SRGAP3: variants seen among roughly 807,000 people sequenced by gnomAD.
The protein encoded by SRGAP3 is SLIT-ROBO Rho GTPase-activating protein 3.
A neutral mutation model predicts 121.1 loss-of-function variants in SRGAP3; 39 were observed. The observed-to-expected ratio is 0.32, with a 90% CI of 0.25 to 0.42. The LOEUF (loss-of-function observed/expected upper bound fraction) is 0.42, where lower values mean the gene tolerates loss of function less well. Ranked by LOEUF, SRGAP3 falls within the 10% of genes least tolerant of loss-of-function variation. The pLI is 1.00. For missense variants in SRGAP3, 1,213 were observed against 1,470.6 expected, an observed-to-expected ratio of 0.82 and a Z score of 2.86; for synonymous variants, 601 against 570.0, an observed-to-expected ratio of 1.05 and a Z score of -0.77.
intron 3 of SRGAP3, among the ~76,000 whole-genome samples, chr3:9,088,672 G>T (rs922374313): frequency 6.6e-6 from 1 of 152,134 alleles, no homozygotes; most frequent in Non-Finnish European, 1.5e-5. Context: ...TTGGAACAAG[G>T]CTTCCAAGTG....
rs76781053 is a variant in SRGAP3 at position 9,225,872 on chromosome 3, A to G, written c.67+23013T>C. On this transcript the variant is annotated intron_variant, in intron 1 of 21. Coordinates refer to ENST00000383836, the MANE Select transcript of SRGAP3 (RefSeq NM_014850.4). Reference sequence around the variant, plus strand: ...AATCGGTGCTCATCCCCAGAACAAAAGCCCAGCGCTGCCAGACCTTCTGAC... The same window carrying G: ...AATCGGTGCTCATCCCCAGAACAAAGGCCCAGCGCTGCCAGACCTTCTGAC... Among the ~76,000 whole-genome samples, 998 of 152,234 alleles carry G rather than the reference A, an allele frequency of 6.6e-3. 11 individuals are homozygous for G. The highest frequency in any genetic ancestry group is 0.023 in the African/African-American group (953 of 41,552).
intron 3 of SRGAP3, among the ~76,000 whole-genome samples, chr3:9,102,145 G>T (rs1354379776): frequency 6.6e-6 from 1 of 152,290 alleles, no homozygotes. Flanking sequence ...TCAGACATGG[G>T]GAGTGGTTTC....
chr3:9,254,455 G>T (rs554097587), upstream of SRGAP3, among the ~76,000 whole-genome samples: 1 of 152,184 alleles, frequency 6.6e-6, no homozygotes, highest in African/African-American at 2.4e-5. Context: ...GCGAGGACAG[G>T]CAGTAGCTGC....
intron 3 of SRGAP3, among the ~76,000 whole-genome samples, chr3:9,319,472 A>C (rs1375581366): frequency 1.3e-5 from 2 of 151,958 alleles, no homozygotes; most frequent in Admixed American, 6.5e-5. Context: ...AGCAAGGGCC[A>C]GAATGGGTGG....
chr3:9,338,633 T>C (rs181946609), intron 1 of SRGAP3, among the ~76,000 whole-genome samples: 6 of 152,358 alleles, frequency 3.9e-5, no homozygotes, highest in Admixed American at 1.3e-4. Flanking sequence ...GTCTTCTTGA[T>C]AAGCCTCACA....
chr3:9,096,796 T>C (rs747423427), intron 3 of SRGAP3, among the ~76,000 whole-genome samples: 1 of 150,464 alleles, frequency 6.6e-6, no homozygotes, highest in Non-Finnish European at 1.5e-5. Flanking sequence ...CCTGAAAAAA[T>C]TCTTCCTTCA....
At chr3:9,134,270 T>A (rs144809502) in intron 1 of SRGAP3, among the ~76,000 whole-genome samples, 18 of 152,248 alleles carry the variant, frequency 1.2e-4, no homozygotes, top group African/African-American at 4.3e-4. Flanking sequence ...GAAAACACAG[T>A]AACTGTTCTG....
chr3:8,996,354 C>A (rs1306519066), intron 18 of SRGAP3, among the ~76,000 whole-genome samples: 1 of 152,214 alleles, frequency 6.6e-6, no homozygotes, highest in African/African-American at 2.4e-5. Context: ...CACACATGCA[C>A]CAGGGCTCCC....
At chr3:9,124,995 G>A in intron 1 of SRGAP3, 78 bp from the exon 2 acceptor site, 10 of 1,555,016 alleles carry the variant, frequency 6.4e-6, no homozygotes, top group South Asian at 1.1e-5. Context: ...TGCTGGCCTG[G>A]GCCCTGCAAT....
At chr3:9,034,542 C>T (rs1944654326) in intron 11 of SRGAP3, 1 of 152,238 alleles carries the variant, frequency 6.6e-6, no homozygotes, top group South Asian at 2.1e-4. Context: ...ATGCTGCTAG[C>T]TCCAGTACAT....
chr3:9,308,670 C>A (rs950891554), intron 3 of SRGAP3, among the ~76,000 whole-genome samples: 1 of 152,136 alleles, frequency 6.6e-6, no homozygotes, highest in Non-Finnish European at 1.5e-5. Context: ...TTGCACAGCA[C>A]CTTAAATAAG....
chr3:9,230,061 C>A (rs1042683795), intron 1 of SRGAP3, among the ~76,000 whole-genome samples: 5 of 152,202 alleles, frequency 3.3e-5, no homozygotes, highest in African/African-American at 9.7e-5. Flanking sequence ...AGAATTTAAA[C>A]CCAGACTCCA....
rs1330292005 is a variant in SRGAP3 at position 8,983,266 on chromosome 3, CT to C, written c.*2252del. On this transcript the variant is annotated 3_prime_UTR_variant, in exon 22 of 22. Transcript: ENST00000383836. ...CTCTTAAGCTGTAAAATGGCAATAT[CT>C]TTCTGTGCTCCAAGCAGATGGCCTT... 1 of 227,108 alleles carries C rather than the reference CT, an allele frequency of 4.4e-6. No individual in the cohort carries two copies. The highest frequency in any genetic ancestry group is 8.7e-6 in the Non-Finnish European group (1 of 114,332). 14.1% of individuals were successfully genotyped at this position (227,108 alleles called of 1,614,324 possible).
rs1942159250 is a variant in SRGAP3 at position 8,993,022 on chromosome 3, C to A, written c.2442G>T (p.Lys814Asn). 1 of 1,614,218 alleles carries A rather than the reference C, an allele frequency of 6.2e-7. No individual in the cohort carries two copies. Among genetic ancestry groups the A allele is most frequent in the African/African-American group, 1.3e-5 (1 of 75,054 alleles). ...DDAFSDSLSQ[K>N]ADSEASSGPL... ...GCCCACTGCTGGCCTCGCTGTCAGC[C>A]TTCTGGCTCAGGCTGTCGGAGAAGG... is the stretch of plus-strand genomic sequence containing the variant. The change falls in exon 20 of 22, where the codon AAG becomes AAT. Residue 814 changes from lysine to asparagine, a missense_variant. Physicochemically the swap from Lys to Asn is moderately conservative, Grantham distance 94. Coordinates refer to ENST00000383836, the MANE Select transcript of SRGAP3 (RefSeq NM_014850.4).
chr3:9,272,087 T>C (rs1954488151), intron 3 of SRGAP3, among the ~76,000 whole-genome samples: 1 of 152,250 alleles, frequency 6.6e-6, no homozygotes, highest in Admixed American at 6.5e-5. Flanking sequence ...CATTGTCCAC[T>C]ACAACCTGCC....
intron 8 of SRGAP3, 81 bp downstream of exon 8, chr3:9,056,152 A>G: frequency 2.4e-6 from 3 of 1,273,532 alleles, no homozygotes; most frequent in Non-Finnish European, 3.4e-6. Context: ...TTTCTTATGC[A>G]CTTCGTGGCA....
intron 3 of SRGAP3, among the ~76,000 whole-genome samples, chr3:9,316,861 G>A (rs1285052074): frequency 4.6e-5 from 7 of 152,270 alleles, no homozygotes; most frequent in Middle Eastern, 3.4e-3. Flanking sequence ...ATCTGAAGGC[G>A]GGAGAGGAGG....
At chr3:8,986,162 T>G (rs1481864972) in intron 21 of SRGAP3, among the ~76,000 whole-genome samples, 1 of 152,126 alleles carries the variant, frequency 6.6e-6, no homozygotes, top group Admixed American at 6.5e-5. Context: ...AGACTACTGA[T>G]AAAGAGGGCA....
In SRGAP3 at chr3:9,183,508, C is replaced by T. The variant is rs1005388666; in HGVS notation, c.68-58591G>A. Among the ~76,000 whole-genome samples, 28 of 152,092 alleles carry T rather than the reference C, an allele frequency of 1.8e-4. No individual in the cohort carries two copies. In the South Asian group the frequency reaches 4.2e-3, roughly 23 times the overall value. ...TATTATACAGATGTTTAATTATGTACGTATAAAACATTGTACACACACACA... is the reference window on the plus strand; with the variant it reads ...TATTATACAGATGTTTAATTATGTATGTATAAAACATTGTACACACACACA... On this transcript the variant is annotated intron_variant, in intron 1 of 21. Coordinates refer to ENST00000383836, the MANE Select transcript of SRGAP3 (RefSeq NM_014850.4).
Sources: allele counts gnomAD v4.1 joint callset (sites outside exome capture counted in the v4.1 genomes callset), GRCh38; gene constraint gnomAD v4.1.1; transcripts MANE v1.5; gene names NCBI Gene and HGNC (gene_info 2026-07-23, HGNC 2026-07-21).